Variants in ZNF469 observed in about 807,000 individuals in gnomAD.
The protein encoded by ZNF469 is zinc finger protein 469.
Under a neutral mutation model 1.0 loss-of-function variants are expected in ZNF469, and 1 was observed. The observed-to-expected ratio is 1.00, with a 90% confidence interval of 0.35 to 4.73. ZNF469 has a LOEUF of 4.73. ZNF469 is among the 30% of genes most tolerant of loss of function. ZNF469 has a pLI of 0.16. For synonymous variants in ZNF469, 2,703 were observed against 2,363.4 expected (o/e 1.14, Z -4.17); for missense variants, 6,100 against 5,356.3 (o/e 1.14, Z -4.33).
At chr16:88,167,053 C>CTTTT in the ZNF469 span, among the ~76,000 whole-genome samples, 17 of 82,850 alleles carry the variant, frequency 2.1e-4, 1 homozygote, top group African/African-American at 3.0e-4. Flanking sequence ...CAGGCTTATT[C>CTTTT]TTTTTTTTTT....
chr16:88,143,592 G>A, the ZNF469 span, among the ~76,000 whole-genome samples: 3 of 152,244 alleles, frequency 2.0e-5, no homozygotes, highest in Non-Finnish European at 4.4e-5. Flanking sequence ...AAGAAAGCCA[G>A]GAGGTGGCCC....
At chr16:88,104,353 C>T in the ZNF469 span, among the ~76,000 whole-genome samples, 2 of 152,146 alleles carry the variant, frequency 1.3e-5, no homozygotes, top group South Asian at 2.1e-4. Context: ...GAGAGATGTG[C>T]ACCCACAACC....
chr16:88,344,036 G>T, the ZNF469 span, among the ~76,000 whole-genome samples: 2 of 152,040 alleles, frequency 1.3e-5, no homozygotes, highest in African/African-American at 4.8e-5. Context: ...TGGGGTCTCT[G>T]TCCCAAAAAC....
chr16:88,272,407 A>G, the ZNF469 span, among the ~76,000 whole-genome samples: 4 of 145,658 alleles, frequency 2.7e-5, no homozygotes, highest in Non-Finnish European at 6.0e-5. Flanking sequence ...GACTGGATGG[A>G]TGAATGGTGG....
rs1163961060 is a variant in ZNF469 at position 88,431,074 on chromosome 16, C to T, written c.3604C>T (p.Pro1202Ser). 6.5e-7 allele frequency: 1 copy of T among 1,549,696 alleles called. No individual in the cohort carries two copies. Among genetic ancestry groups the T allele is most frequent in the African/African-American group, 1.4e-5 (1 of 73,024 alleles). The change falls in exon 3 of 3, where the codon CCC becomes TCC. Residue 1202 changes from proline to serine, a missense_variant. Transcript: ENST00000565624. The stretch of plus-strand genomic sequence containing the variant: ...TCGCCCCTCAGTGGCCCCCAAGGAT[C>T]CCCTGCAGGTCCCCACCAACACCGA... ...ADRPSVAPKDPLQVPTNTETS... is the reference protein window; with the variant it reads ...ADRPSVAPKDSLQVPTNTETS...
the ZNF469 span, among the ~76,000 whole-genome samples, chr16:88,376,148 A>G: frequency 6.6e-6 from 1 of 152,272 alleles, no homozygotes. Context: ...CACAAGGGCC[A>G]GTTGTCTGCA....
chr16:88,126,434 A>G, the ZNF469 span, among the ~76,000 whole-genome samples: 1 of 150,882 alleles, frequency 6.6e-6, no homozygotes, highest in South Asian at 2.1e-4. Context: ...CTTTACAGAG[A>G]TGTTCTTTAT....
the ZNF469 span, among the ~76,000 whole-genome samples, chr16:88,316,545 CTTTT>C: frequency 8.9e-5 from 9 of 101,010 alleles, no homozygotes; most frequent in South Asian, 3.6e-4. Context: ...TAGGTGCTGT[CTTTT>C]TTTTTTTTTT....
intron 1 of ZNF469, among the ~76,000 whole-genome samples, chr16:88,412,708 G>C (rs576204211): frequency 6.6e-6 from 1 of 152,304 alleles, no homozygotes. Context: ...GTGGGTGAAC[G>C]GGGGACCTCG....
the ZNF469 span, among the ~76,000 whole-genome samples, chr16:88,331,672 C>T: frequency 1.3e-5 from 2 of 151,812 alleles, no homozygotes; most frequent in East Asian, 1.9e-4. Flanking sequence ...TCTTCATCAC[C>T]ACCATCACTA....
the ZNF469 span, among the ~76,000 whole-genome samples, chr16:88,104,182 G>A: frequency 6.7e-6 from 1 of 150,148 alleles, no homozygotes; most frequent in Non-Finnish European, 1.5e-5. Context: ...TGGCAGGGAA[G>A]CTTCCGGGCC....
chr16:88,297,740 G>C, the ZNF469 span, among the ~76,000 whole-genome samples: 1 of 152,194 alleles, frequency 6.6e-6, no homozygotes, highest in East Asian at 1.9e-4. Context: ...ATTGCATTCA[G>C]GGCCCACCCA....
the ZNF469 span, among the ~76,000 whole-genome samples, chr16:88,119,081 C>T: frequency 6.6e-6 from 1 of 152,196 alleles, no homozygotes; most frequent in Non-Finnish European, 1.5e-5. Flanking sequence ...CCTGACAACT[C>T]GTAACTCTTG....
In ZNF469 at chr16:88,427,956, C is replaced by G; in HGVS notation, c.486C>G (p.Leu162=). 1 of 1,549,970 alleles carries G rather than the reference C, an allele frequency of 6.5e-7. No homozygotes were observed. Residue 162 remains leucine, a synonymous_variant, in exon 3 of 3, where the codon CTC becomes CTG. Coordinates refer to ENST00000565624, the MANE Select transcript of ZNF469 (RefSeq NM_001367624.2). ...AGGGCCCTGGGACTGGAGCTCCACT[C>G]AGGCCGGGCCTCCCAAGGACTGAGG... ...TPQGPGTGAP[L]RPGLPRTEAQ... is the part of the protein sequence containing the mutation.
chr16:88,326,405 C>A, the ZNF469 span, among the ~76,000 whole-genome samples: 2 of 152,198 alleles, frequency 1.3e-5, no homozygotes, highest in South Asian at 2.1e-4. Flanking sequence ...AAACCTCTTT[C>A]TTTTGTAAGT....
chr16:88,103,766 G>C, the ZNF469 span, among the ~76,000 whole-genome samples: 2 of 149,108 alleles, frequency 1.3e-5, no homozygotes, highest in African/African-American at 5.1e-5. Context: ...CACGGGGGTG[G>C]GTGGAATAAT....
At position 88,436,631 on chromosome 16, in the gene ZNF469, A is replaced by C. The variant is rs139565761; in HGVS notation, c.9161A>C (p.Glu3054Ala). The change falls in exon 3 of 3, where the codon GAG (glutamate) becomes GCG (alanine). Residue 3054 changes from glutamate to alanine, a missense_variant. Transcript: ENST00000565624. Reference sequence around the variant, plus strand: ...TTTGAGGTGCTCAGCACCAAGTTTGAGATGCAAGACCTGTGCTTTCTGGGA... The same window carrying C: ...TTTGAGGTGCTCAGCACCAAGTTTGCGATGCAAGACCTGTGCTTTCTGGGA... ...TDFEVLSTKF[E>A]MQDLCFLGPF... The C allele has an allele frequency of 5.0e-4, 774 of 1,550,274 alleles. 8 individuals are homozygous for C. In the African/African-American group the frequency reaches 9.6e-3, roughly 19 times the overall value.
In ZNF469 at chr16:88,433,097, T is replaced by A. The variant is rs1185667863; in HGVS notation, c.5627T>A (p.Val1876Asp). The A allele has an allele frequency of 1.9e-6, 3 of 1,550,200 alleles. No homozygotes were observed. The South Asian group carries it at 3.6e-5, about 18-fold the overall frequency. ...CCCCGGGGCAGGGAGGCTTGGTTGG[T>A]CCCTGTGCCAAGTCCCGCCTGTGTA... ...TAPRGREAWL[V>D]PVPSPACVSN... Residue 1876 changes from valine (V) to aspartate (D), a missense_variant, in exon 3 of 3, where the codon GTC becomes GAC. Coordinates refer to ENST00000565624, the MANE Select transcript of ZNF469 (RefSeq NM_001367624.2).
the ZNF469 span, among the ~76,000 whole-genome samples, chr16:88,362,804 A>G: frequency 1.3e-5 from 2 of 152,284 alleles, no homozygotes; most frequent in African/African-American, 4.8e-5. Flanking sequence ...ATAATTTTTG[A>G]CCCATTGTCA....
Sources: allele counts gnomAD v4.1 joint callset (sites outside exome capture counted in the v4.1 genomes callset), GRCh38; gene constraint gnomAD v4.1.1; transcripts MANE v1.5; gene names NCBI Gene and HGNC (gene_info 2026-07-23, HGNC 2026-07-21).